SLC9A8: variants seen among roughly 807,000 people sequenced by gnomAD.
The protein encoded by SLC9A8 is solute carrier family 9 member A8, also known as sodium/hydrogen exchanger 8.
Under a neutral mutation model 66.6 loss-of-function variants are expected in SLC9A8, and 48 were observed. The observed-to-expected ratio is 0.72, with a 90% confidence interval of 0.57 to 0.92. The LOEUF (loss-of-function observed/expected upper bound fraction) is 0.92, where lower values mean the gene tolerates loss of function less well. SLC9A8 is among the 40% of genes least tolerant of loss of function. The pLI is 0.00. For missense variants in SLC9A8, 599 were observed against 747.3 expected (o/e 0.80, Z 2.31); for synonymous variants, 274 against 282.6 (o/e 0.97, Z 0.31).
At chr20:49,839,126 CT>C (rs2087661493) in intron 3 of SLC9A8, among the ~76,000 whole-genome samples, 1 of 152,144 alleles carries the variant, frequency 6.6e-6, no homozygotes, top group Non-Finnish European at 1.5e-5. Context: ...CATGGAACTG[CT>C]ATTTGAGTCT....
chr20:49,830,616 A>G (rs2149278), intron 3 of SLC9A8: 378,723 of 612,304 alleles, frequency 0.62, 120,743 homozygotes, highest in African/African-American at 0.86. Flanking sequence ...TTCTAATCAC[A>G]GAATGTTGGT....
intron 2 of SLC9A8, among the ~76,000 whole-genome samples, chr20:49,820,625 C>A (rs890989694): frequency 6.6e-6 from 1 of 152,074 alleles, no homozygotes; most frequent in African/African-American, 2.4e-5. Context: ...TGGCTCACTG[C>A]AACCTCTACC....
Position 49,830,302 on chromosome 20 carries a change from T to C in SLC9A8, c.289+7161T>C, listed in dbSNP as rs1054574864. On this transcript the variant is annotated intron_variant, in intron 3 of 15. Transcript: ENST00000361573. ...AACTTGCTAAAAATGGGTCACACAG[T>C]GACTGTCTGGAACCGCACTGCCAAG... The C allele has an allele frequency of 4.4e-6, 5 of 1,144,342 alleles. No homozygotes were observed. The African/African-American group carries it at 7.6e-5, about 17-fold the overall frequency. 70.9% of individuals were successfully genotyped at this position (1,144,342 alleles called of 1,614,324 possible). A position where few individuals can be genotyped will look rare whatever the true frequency, so the allele number is the denominator to read the frequency against.
At chr20:49,849,414 G>A (rs764954129) in intron 5 of SLC9A8, among the ~76,000 whole-genome samples, 165 bp from the exon 6 acceptor site, 7 of 152,096 alleles carry the variant, frequency 4.6e-5, no homozygotes, top group East Asian at 1.9e-4. Context: ...CAGTAAGTGC[G>A]GGGGTGCAGG....
chr20:49,855,380 A>C (rs2088431334), intron 7 of SLC9A8, 58 bp from the exon 8 acceptor site: 2 of 1,552,360 alleles, frequency 1.3e-6, no homozygotes, highest in Non-Finnish European at 1.8e-6. Context: ...TTAATGCTTT[A>C]ATATGTGGAC....
intron 3 of SLC9A8, chr20:49,829,820 A>G (rs2087096645): frequency 1.8e-6 from 1 of 559,456 alleles, no homozygotes; most frequent in African/African-American, 1.9e-5. Flanking sequence ...AAGTGCAAAC[A>G]GCCTGTCTGA....
intron 9 of SLC9A8, 76 bp downstream of exon 9, chr20:49,863,143 T>G: frequency 7.4e-7 from 1 of 1,359,684 alleles, no homozygotes; most frequent in Non-Finnish European, 9.9e-7. Context: ...GTTTCTCCTG[T>G]TTTTTAAGGG....
At chr20:49,837,815 C>T (rs893718581) in intron 3 of SLC9A8, among the ~76,000 whole-genome samples, 3 of 152,118 alleles carry the variant, frequency 2.0e-5, no homozygotes, top group African/African-American at 7.2e-5. Context: ...GTCATCTGCC[C>T]GCTTCAGCCT....
intron 6 of SLC9A8, 45 bp from the exon 7 acceptor site, chr20:49,850,763 GTT>G: frequency 2.9e-6 from 4 of 1,371,534 alleles, no homozygotes; most frequent in South Asian, 2.8e-5. Context: ...GTTCTCCAGG[GTT>G]TTTTTTTTGT....
intron 11 of SLC9A8, among the ~76,000 whole-genome samples, chr20:49,876,602 A>T (rs1361049330): frequency 6.6e-6 from 1 of 152,262 alleles, no homozygotes; most frequent in Non-Finnish European, 1.5e-5. Context: ...AATTTGTCAA[A>T]TGTGACAGAA....
At chr20:49,865,354 C>T (rs1163447051) in intron 10 of SLC9A8, among the ~76,000 whole-genome samples, 1 of 152,164 alleles carries the variant, frequency 6.6e-6, no homozygotes, top group Non-Finnish European at 1.5e-5. Flanking sequence ...GAGGGACAAG[C>T]AAAGTGTGGT....
intron 11 of SLC9A8, 25 bp from the exon 12 acceptor site, chr20:49,877,956 T>C: frequency 1.3e-6 from 2 of 1,530,158 alleles, no homozygotes; most frequent in Non-Finnish European, 1.8e-6. Context: ...TGGGGTTGAA[T>C]AATCCATTCT....
At chr20:49,826,639 T>C (rs571899474) in intron 3 of SLC9A8, among the ~76,000 whole-genome samples, 1 of 152,328 alleles carries the variant, frequency 6.6e-6, no homozygotes, top group South Asian at 2.1e-4. Flanking sequence ...AAAAATATAG[T>C]ATCAACCTGA....
At chr20:49,828,729 C>G (rs531551970) in intron 3 of SLC9A8, among the ~76,000 whole-genome samples, 1 of 151,830 alleles carries the variant, frequency 6.6e-6, no homozygotes, top group African/African-American at 2.4e-5. Context: ...ATCCCAGCTA[C>G]TCAGGAGGCT....
rs57249630 is a variant in SLC9A8 at position 49,884,336 on chromosome 20, ACC to A, written c.1491+275_1491+276del. 9.3e-3 allele frequency among the ~76,000 whole-genome samples: 1,012 copies of A among 108,346 alleles called. 199 individuals are homozygous for A. The highest frequency in any genetic ancestry group is 0.027 in the East Asian group (83 of 3,026). The allele number at this position is 108,346 out of a possible 152,430, so 71.1% of individuals were successfully genotyped here. Reference sequence around the variant, plus strand: ...CACACACACACACACACACACACACACCCCCCGGTCATCCCCCCTGAGAAGGA... The same window carrying A: ...CACACACACACACACACACACACACACCCCGGTCATCCCCCCTGAGAAGGA... On this transcript the variant is annotated intron_variant, in intron 14 of 15. Coordinates refer to ENST00000361573, the MANE Select transcript of SLC9A8 (RefSeq NM_015266.3).
Position 49,867,796 on chromosome 20 carries a change from A to G in SLC9A8, c.958+2952A>G, listed in dbSNP as rs148047679. 4.3e-3 allele frequency among the ~76,000 whole-genome samples: 649 copies of G among 152,316 alleles called. 4 individuals are homozygous for G. Among genetic ancestry groups the G allele is most frequent in the African/African-American group, 0.015 (627 of 41,594 alleles). ...ATCAGGTTTTCTAGTTATGTAGAGC[A>G]GGACAGTGTTCTGTGTAGCAGTAAT... On this transcript the variant is annotated intron_variant, in intron 10 of 15. Coordinates refer to ENST00000361573, the MANE Select transcript of SLC9A8 (RefSeq NM_015266.3).
chr20:49,846,904 TAGAG>T (rs1600712650), intron 5 of SLC9A8, among the ~76,000 whole-genome samples: 1 of 152,102 alleles, frequency 6.6e-6, no homozygotes, highest in Non-Finnish European at 1.5e-5. Flanking sequence ...GCCTGAGTGA[TAGAG>T]GGAGACTTTG....
intron 14 of SLC9A8, chr20:49,884,277 A>ACACACACAC (rs2089782016): frequency 1.7e-5 from 3 of 173,794 alleles, no homozygotes; most frequent in Non-Finnish European, 1.0e-5. Context: ...CACACACGAC[A>ACACACACAC]CACACACACA....
intron 3 of SLC9A8, chr20:49,830,453 C>A: frequency 1.2e-6 from 1 of 823,096 alleles, no homozygotes. Context: ...TGGTGCTGGG[C>A]CCCAGTGGTA....
Sources: allele counts gnomAD v4.1 joint callset (sites outside exome capture counted in the v4.1 genomes callset), GRCh38; gene constraint gnomAD v4.1.1; transcripts MANE v1.5; gene names NCBI Gene and HGNC (gene_info 2026-07-23, HGNC 2026-07-21).